The following ZNF138 variants were observed in gnomAD, a reference collection of about 807,000 sequenced individuals.
ZNF138 encodes zinc finger protein 138 (clone pHZ-32).
Under a neutral mutation model 33.0 loss-of-function variants are expected in ZNF138, and 33 were observed. The observed-to-expected ratio is 1.00, with a 90% confidence interval of 0.76 to 1.34. The LOEUF (loss-of-function observed/expected upper bound fraction) is 1.34, where lower values mean the gene tolerates loss of function less well. ZNF138 is among the 40% of genes most tolerant of loss of function. The pLI is 0.00. For missense variants in ZNF138, 360 were observed against 370.8 expected (o/e 0.97, Z 0.24); for synonymous variants, 139 against 120.4 (o/e 1.15, Z -1.01).
chr7:64,847,348 T>TTTTTTC, the ZNF138 span, among the ~76,000 whole-genome samples: 1 of 135,322 alleles, frequency 7.4e-6, no homozygotes, highest in Non-Finnish European at 1.6e-5. Context: ...TTTTTTTTTT[T>TTTTTTC]CTGCAGTTCT....
intron 1 of ZNF138, among the ~76,000 whole-genome samples, chr7:64,795,530 G>A (rs1405228760): frequency 6.6e-6 from 1 of 152,068 alleles, no homozygotes; most frequent in Admixed American, 6.6e-5. Flanking sequence ...GTCCTTTAGT[G>A]TACATTTGAA....
chr7:64,814,581 A>T (rs941713008), intron 1 of ZNF138, among the ~76,000 whole-genome samples: 1 of 152,174 alleles, frequency 6.6e-6, no homozygotes, highest in African/African-American at 2.4e-5. Context: ...CCTGGCCAAC[A>T]TAGTGAAGCC....
At chr7:64,852,864 G>C in the ZNF138 span, 1 of 874,514 alleles carries the variant, frequency 1.1e-6, no homozygotes, top group South Asian at 1.3e-5. Context: ...CAGGGGTTTA[G>C]TACTGTTTGG....
At chr7:64,859,632 A>G in the ZNF138 span, among the ~76,000 whole-genome samples, 64,821 of 152,066 alleles carry the variant, frequency 0.43, 14,248 homozygotes, top group Middle Eastern at 0.5. Flanking sequence ...AATTATTGCA[A>G]TGTAGTAAAG....
intron 1 of ZNF138, among the ~76,000 whole-genome samples, chr7:64,797,513 G>A (rs1410629917): frequency 6.6e-6 from 1 of 152,100 alleles, no homozygotes. Context: ...GCCTACAAAG[G>A]GAAGGGAGGT....
At chr7:64,817,853 A>G (rs1788785506) in intron 3 of ZNF138, among the ~76,000 whole-genome samples, 1 of 152,086 alleles carries the variant, frequency 6.6e-6, no homozygotes, top group South Asian at 2.1e-4. Context: ...CTGGAAGTAA[A>G]TTAGTTAATT....
intron 1 of ZNF138, among the ~76,000 whole-genome samples, chr7:64,802,949 A>C (rs921447275): frequency 2.0e-5 from 3 of 152,158 alleles, no homozygotes; most frequent in Non-Finnish European, 4.4e-5. Flanking sequence ...ACTGAGCCAG[A>C]CAATGGCATG....
intron 1 of ZNF138, among the ~76,000 whole-genome samples, chr7:64,804,996 C>T (rs1787461218): frequency 6.6e-6 from 1 of 152,076 alleles, no homozygotes; most frequent in South Asian, 2.1e-4. Context: ...TATTTCTATC[C>T]CATGGTGTCT....
At chr7:64,838,899 C>T in the ZNF138 span, among the ~76,000 whole-genome samples, 15,575 of 147,354 alleles carry the variant, frequency 0.11, 942 homozygotes, top group East Asian at 0.27. Context: ...AAGATGGCGG[C>T]GGTGAGGAAG....
chr7:64,801,863 CAT>C (rs940405517), intron 1 of ZNF138, among the ~76,000 whole-genome samples: 1 of 152,198 alleles, frequency 6.6e-6, no homozygotes, highest in Non-Finnish European at 1.5e-5. Flanking sequence ...ACCCAAAACT[CAT>C]TAAGCCAAAC....
chr7:64,817,491 C>G (rs1788750559), intron 3 of ZNF138, among the ~76,000 whole-genome samples: 1 of 152,208 alleles, frequency 6.6e-6, no homozygotes, highest in Non-Finnish European at 1.5e-5. Flanking sequence ...AACTCCCTCC[C>G]TGGATCTCAG....
At chr7:64,818,113 A>T (rs1263745923) in intron 3 of ZNF138, among the ~76,000 whole-genome samples, 4 of 147,210 alleles carry the variant, frequency 2.7e-5, no homozygotes, top group African/African-American at 1.0e-4. Context: ...CCTCCCAAGT[A>T]GCTGGGATAA....
chr7:64,848,964 A>G, the ZNF138 span, among the ~76,000 whole-genome samples: 1 of 152,086 alleles, frequency 6.6e-6, no homozygotes, highest in African/African-American at 2.4e-5. Context: ...TCGGCCTCCC[A>G]AAGTGCTGGG....
chr7:64,808,072 A>G (rs570215588), intron 1 of ZNF138, among the ~76,000 whole-genome samples: 1 of 152,332 alleles, frequency 6.6e-6, no homozygotes, highest in East Asian at 1.9e-4. Flanking sequence ...TCCTTAAGCA[A>G]TCAGCCTAGG....
chr7:64,845,234 C>T, the ZNF138 span, among the ~76,000 whole-genome samples: 1 of 152,188 alleles, frequency 6.6e-6, no homozygotes. Context: ...ATCTTCAGTC[C>T]TATCCAGGCT....
intron 1 of ZNF138, among the ~76,000 whole-genome samples, chr7:64,811,385 G>A (rs1056740817): frequency 7.2e-5 from 11 of 152,096 alleles, no homozygotes; most frequent in African/African-American, 9.7e-5. Flanking sequence ...TGCTGTTGTC[G>A]TCTAGGCTGG....
chr7:64,808,224 C>A (rs973483953), intron 1 of ZNF138, among the ~76,000 whole-genome samples: 2 of 152,154 alleles, frequency 1.3e-5, no homozygotes, highest in African/African-American at 4.8e-5. Flanking sequence ...TGTGTTTGTT[C>A]CTCCCCTCAT....
chr7:64,813,996 A>G, intron 1 of ZNF138: 1 of 1,128,672 alleles, frequency 8.9e-7, no homozygotes, highest in South Asian at 2.0e-5. Context: ...CTGCCTTTCT[A>G]TCTTAGGTTT....
At chr7:64,797,771 T>G (rs181167479) in intron 1 of ZNF138, among the ~76,000 whole-genome samples, 1 of 152,288 alleles carries the variant, frequency 6.6e-6, no homozygotes, top group East Asian at 1.9e-4. Flanking sequence ...GGTTTATTTT[T>G]TAAAAAATTC....
Sources: allele counts gnomAD v4.1 joint callset (sites outside exome capture counted in the v4.1 genomes callset), GRCh38; gene constraint gnomAD v4.1.1; transcripts MANE v1.5; gene names NCBI Gene and HGNC (gene_info 2026-07-23, HGNC 2026-07-21).